Variants in MAOA observed in about 807,000 individuals in gnomAD.
The protein encoded by MAOA is amine oxidase [flavin-containing] A.
Under a neutral mutation model 42.0 loss-of-function variants are expected in MAOA, and 6 were observed. The ratio of observed to expected loss-of-function variants is 0.14; its 90% CI spans 0.08 to 0.28. The LOEUF is 0.28. Among genes scored for constraint, MAOA ranks in the 10% least tolerant of loss-of-function variants. The pLI, the probability that MAOA is intolerant of heterozygous loss-of-function variation, is 1.00. For synonymous variants in MAOA, 140 were observed against 154.0 expected (o/e 0.91, Z 0.67); for missense variants, 262 against 422.3 (o/e 0.62, Z 3.33).
intron 9 of MAOA, among the ~76,000 whole-genome samples, chrX:43,734,699 C>A (rs1053632808): frequency 1.8e-5 from 2 of 111,746 alleles, no homozygotes; most frequent in Non-Finnish European, 3.8e-5. Flanking sequence ...ACAAAGCCAG[C>A]ATGTTTAATT....
chrX:43,670,931 A>G (rs753587580), intron 1 of MAOA, among the ~76,000 whole-genome samples: 1 of 107,446 alleles, frequency 9.3e-6, no homozygotes, highest in East Asian at 2.9e-4. Flanking sequence ...TAGCAGCATG[A>G]TTTATAGTCC....
chrX:43,686,385 A>G (rs139545846), intron 2 of MAOA, among the ~76,000 whole-genome samples: 3,107 of 112,349 alleles, frequency 0.028, 107 homozygotes, highest in African/African-American at 0.095. Context: ...GTTATTGTCT[A>G]TTCAGCATGA....
intron 1 of MAOA, among the ~76,000 whole-genome samples, chrX:43,660,477 A>G (rs1258551152): frequency 9.0e-6 from 1 of 111,111 alleles, no homozygotes; most frequent in Non-Finnish European, 1.9e-5. Flanking sequence ...AGCATTTCCT[A>G]CTATTTTCCA....
At chrX:43,739,811 A>G (rs1020126886) in intron 10 of MAOA, among the ~76,000 whole-genome samples, 4 of 112,745 alleles carry the variant, frequency 3.5e-5, no homozygotes, top group Non-Finnish European at 7.5e-5. Context: ...TAGGAAAAGT[A>G]TATAACTGGA....
At chrX:43,675,132 G>A (rs1252892467) in intron 1 of MAOA, among the ~76,000 whole-genome samples, 16 of 111,578 alleles carry the variant, frequency 1.4e-4, no homozygotes, top group African/African-American at 4.9e-4. Flanking sequence ...TGGAGGCTTT[G>A]TTCGTTTCTT....
At chrX:43,676,216 G>C (rs1411830345) in intron 1 of MAOA, among the ~76,000 whole-genome samples, 2 of 111,960 alleles carry the variant, frequency 1.8e-5, no homozygotes, top group East Asian at 5.7e-4. Flanking sequence ...CTAGCAATCA[G>C]CAAGACGCCA....
intron 6 of MAOA, among the ~76,000 whole-genome samples, chrX:43,730,679 C>G (rs2033874087): frequency 9.2e-6 from 1 of 109,049 alleles, no homozygotes; most frequent in Non-Finnish European, 1.9e-5. Context: ...TTTAGTACAG[C>G]CACAGCACCC....
chrX:43,703,798 A>G (rs1468737129), intron 3 of MAOA, among the ~76,000 whole-genome samples: 1 of 111,793 alleles, frequency 8.9e-6, no homozygotes, highest in Non-Finnish European at 1.9e-5. Context: ...CTGGCAATAA[A>G]AAAAGACTAT....
chrX:43,704,753 T>C (rs1264479410), intron 3 of MAOA, among the ~76,000 whole-genome samples: 1 of 111,453 alleles, frequency 9.0e-6, no homozygotes, highest in Non-Finnish European at 1.9e-5. Flanking sequence ...GTTAAACAAG[T>C]TCATCGAGGT....
At chrX:43,675,603 G>A (rs2033387605) in intron 1 of MAOA, among the ~76,000 whole-genome samples, 1 of 112,125 alleles carries the variant, frequency 8.9e-6, no homozygotes, top group South Asian at 3.7e-4. Flanking sequence ...TGATGGTGAT[G>A]TACATATGGG....
At chrX:43,692,000 G>GAC (rs753022851) in intron 2 of MAOA, among the ~76,000 whole-genome samples, 2,049 of 64,879 alleles carry the variant, frequency 0.032, 32 homozygotes, top group East Asian at 0.11. Flanking sequence ...GCACTGTATA[G>GAC]ACACACACAC....
chrX:43,667,265 T>C (rs758198953), intron 1 of MAOA, among the ~76,000 whole-genome samples: 1 of 111,769 alleles, frequency 8.9e-6, no homozygotes, highest in East Asian at 2.8e-4. Flanking sequence ...TTCATAGCAC[T>C]TAATATTTCC....
At chrX:43,723,472 A>G (rs1478775265) in intron 5 of MAOA, among the ~76,000 whole-genome samples, 1 of 111,719 alleles carries the variant, frequency 9.0e-6, no homozygotes, top group Non-Finnish European at 1.9e-5. Context: ...GAGTTCACTC[A>G]TGATTTGGCT....
intron 1 of MAOA, among the ~76,000 whole-genome samples, chrX:43,667,135 A>G (rs2033288923): frequency 1.8e-5 from 2 of 110,791 alleles, no homozygotes; most frequent in Non-Finnish European, 1.9e-5. Flanking sequence ...AACTTAAAGT[A>G]TATATATAAA....
chrX:43,735,785 G>A (rs1481807835), intron 9 of MAOA, among the ~76,000 whole-genome samples: 1 of 112,787 alleles, frequency 8.9e-6, no homozygotes, highest in Non-Finnish European at 1.9e-5. Context: ...CAGCTGTGAG[G>A]TAAGAGTAAC....
chrX:43,679,044 TAAGAC>T (rs2033422767), intron 1 of MAOA, among the ~76,000 whole-genome samples: 1 of 111,724 alleles, frequency 9.0e-6, no homozygotes, highest in African/African-American at 3.3e-5. Flanking sequence ...CTTCAAATTC[TAAGAC>T]CTTTTAGAAA....
chrX:43,708,939 C>T (rs2033679507), intron 3 of MAOA, among the ~76,000 whole-genome samples: 1 of 110,734 alleles, frequency 9.0e-6, no homozygotes, highest in Non-Finnish European at 1.9e-5. Flanking sequence ...CGGCTCACTG[C>T]AACCTCTGCC....
intron 1 of MAOA, among the ~76,000 whole-genome samples, chrX:43,676,745 G>A (rs771144625): frequency 1.8e-5 from 2 of 108,313 alleles, no homozygotes; most frequent in East Asian, 5.7e-4. Context: ...TTTCGTGTAG[G>A]CTTAATTAAA....
chrX:43,732,364 C>T (rs1265144255), intron 8 of MAOA, among the ~76,000 whole-genome samples: 1 of 111,536 alleles, frequency 9.0e-6, no homozygotes, highest in Non-Finnish European at 1.9e-5. Context: ...CCTCCTCCCA[C>T]CTCTTCCCTG....
Sources: gnomAD v4.1 joint callset for allele counts (sites outside exome capture counted in the v4.1 genomes callset) on GRCh38, gnomAD v4.1.1 for gene constraint, MANE v1.5 for transcripts, NCBI Gene and HGNC (gene_info 2026-07-23, HGNC 2026-07-21) for gene names.